The following TIFA variants were observed in gnomAD, a reference collection of about 807,000 sequenced individuals.
TIFA encodes the protein TRAF-interacting protein with FHA domain-containing protein A.
For synonymous variants in TIFA, 75 were observed against 79.2 expected, an observed-to-expected ratio of 0.95 and a Z score of 0.28; for missense variants, 186 against 215.2, an observed-to-expected ratio of 0.86 and a Z score of 0.85.
chr4:112,279,227 C>T (rs1274645634), intron 1 of TIFA, among the ~76,000 whole-genome samples: 2 of 152,198 alleles, frequency 1.3e-5, no homozygotes, highest in African/African-American at 2.4e-5. Context: ...TTAACCACAT[C>T]CCTTGAGAGC....
chr4:112,283,634 A>G (rs1727265486), intron 1 of TIFA, among the ~76,000 whole-genome samples: 1 of 152,166 alleles, frequency 6.6e-6, no homozygotes, highest in African/African-American at 2.4e-5. Context: ...ATTGGTGCAC[A>G]TTTGCTCAAA....
intron 1 of TIFA, among the ~76,000 whole-genome samples, chr4:112,285,000 C>T (rs1306481672): frequency 6.6e-6 from 1 of 152,142 alleles, no homozygotes; most frequent in African/African-American, 2.4e-5. Context: ...ACTTGACTGG[C>T]CTGACCTGGG....
At chr4:112,280,877 C>A (rs1727218226) in intron 1 of TIFA, among the ~76,000 whole-genome samples, 1 of 152,216 alleles carries the variant, frequency 6.6e-6, no homozygotes, top group African/African-American at 2.4e-5. Flanking sequence ...CAGCTATAAG[C>A]AGAAAAACTG....
At position 112,285,631 on chromosome 4, in the gene TIFA, C is replaced by A. The variant is rs1727310190; in HGVS notation, c.-19+9G>T. ...CCACCTCACCCCCAGCCCGCCGCCC[C>A]GCAAGTACCTGGGGCTGGGGAGTCA... On this transcript the variant is annotated intron_variant, in intron 1 of 1. Transcript: ENST00000361717. 6.6e-6 allele frequency: 1 copy of A among 152,284 alleles called. No homozygotes were observed. Among genetic ancestry groups the A allele is most frequent in the Non-Finnish European group, 1.5e-5 (1 of 68,140 alleles). 9.4% of individuals were successfully genotyped at this position (152,284 alleles called of 1,614,324 possible).
At chr4:112,281,032 CATT>C (rs954786508) in intron 1 of TIFA, among the ~76,000 whole-genome samples, 1 of 152,170 alleles carries the variant, frequency 6.6e-6, no homozygotes, top group African/African-American at 2.4e-5. Flanking sequence ...AATAAAGTCT[CATT>C]ATTCAGGAAG....
At position 112,278,034 on chromosome 4, in the gene TIFA, T is replaced by C. The variant is rs1425942008; in HGVS notation, c.383A>G (p.Lys128Arg). The C allele has an allele frequency of 1.2e-6, 2 of 1,613,930 alleles. No individual in the cohort carries two copies. The highest frequency in any genetic ancestry group is 3.3e-5 in the Admixed American group (2 of 59,982). Residue 128 changes from lysine (K) to arginine (R), a missense_variant, in exon 2 of 2, where the codon AAG becomes AGG. By Grantham distance (26) the Lys-to-Arg change is conservative. Coordinates refer to ENST00000361717, the MANE Select transcript of TIFA (RefSeq NM_052864.3). The stretch of plus-strand genomic sequence containing the variant: ...AAATTCCAATGACTCGCCATCTTCC[T>C]TCTCCATCAGAAACTGATACTCTCC... ...RFGEYQFLME[K>R]EDGESLEFFE...
intron 1 of TIFA, among the ~76,000 whole-genome samples, chr4:112,280,005 T>A (rs930650167): frequency 1.3e-5 from 2 of 150,982 alleles, no homozygotes; most frequent in South Asian, 4.2e-4. Flanking sequence ...GTGATAATTT[T>A]CCCATATCTA....
rs1727115628 is a variant in TIFA at position 112,276,482 on chromosome 4, G to A, written c.*1380C>T. The A allele has an allele frequency of 6.6e-6, 1 of 152,622 alleles. No homozygotes were observed. 9.5% of individuals were successfully genotyped at this position (152,622 alleles called of 1,614,324 possible). A position where few individuals can be genotyped will look rare whatever the true frequency, so the allele number is the denominator to read the frequency against. On this transcript the variant is annotated 3_prime_UTR_variant, in exon 2 of 2. Transcript: ENST00000361717. ...TTACAAGTTCTGGAGACTAGCACATGGACATCTGGACATCTTTGGATGGGC... is the reference window on the plus strand; with the variant it reads ...TTACAAGTTCTGGAGACTAGCACATAGACATCTGGACATCTTTGGATGGGC...
rs1240329873 is a variant in TIFA, at chr4:112,274,842, T to G, written c.*3020A>C. On this transcript the variant is annotated 3_prime_UTR_variant, in exon 2 of 2. Transcript: ENST00000361717. ...CTTACTTTTAAGTCAGTTACTGCATTAGATAGTAGGAACAGAATTCTCTAG... is the reference window on the plus strand; with the variant it reads ...CTTACTTTTAAGTCAGTTACTGCATGAGATAGTAGGAACAGAATTCTCTAG... The G allele has an allele frequency of 6.6e-6, 1 of 152,176 alleles. No individual in the cohort carries two copies. The highest frequency in any genetic ancestry group is 1.5e-5 in the Non-Finnish European group (1 of 68,032). The allele number at this position is 152,176 out of a possible 1,614,324, so 9.4% of individuals were successfully genotyped here. A position where few individuals can be genotyped will look rare whatever the true frequency, so the allele number is the denominator to read the frequency against.
In TIFA at chr4:112,281,399, C is replaced by A. The variant is rs1417062837; in HGVS notation, c.-18-2965G>T. Reference sequence around the variant, plus strand: ...CCCCATATAGGTTCTTATACTCAGTCCCCAGGACAGATATATTATCCACTG... The same window carrying A: ...CCCCATATAGGTTCTTATACTCAGTACCCAGGACAGATATATTATCCACTG... On this transcript the variant is annotated intron_variant, in intron 1 of 1. Coordinates refer to ENST00000361717, the MANE Select transcript of TIFA (RefSeq NM_052864.3). Among the ~76,000 whole-genome samples the A allele has an allele frequency of 5.3e-5, 8 of 152,146 alleles. No individual in the cohort carries two copies. The East Asian group carries it at 1.5e-3, about 29-fold the overall frequency.
chr4:112,284,915 A>AT (rs1727293753), intron 1 of TIFA, among the ~76,000 whole-genome samples: 5 of 151,740 alleles, frequency 3.3e-5, no homozygotes, highest in Admixed American at 3.3e-4. Context: ...AAAAAAAGTG[A>AT]AAACCAAACA....
intron 1 of TIFA, among the ~76,000 whole-genome samples, chr4:112,280,225 ATTGTTTT>A (rs1560621288): frequency 6.6e-6 from 1 of 150,534 alleles, no homozygotes; most frequent in Non-Finnish European, 1.5e-5. Context: ...TTGTAGTTTT[ATTGTTTT>A]TTGTTTGCCA....
intron 1 of TIFA, among the ~76,000 whole-genome samples, chr4:112,280,308 A>G (rs1463447397): frequency 6.6e-6 from 1 of 150,696 alleles, no homozygotes; most frequent in Non-Finnish European, 1.5e-5. Context: ...ACCAGAAAGA[A>G]TATTTTCTTT....
intron 1 of TIFA, among the ~76,000 whole-genome samples, chr4:112,282,857 G>A (rs555649528): frequency 6.6e-6 from 1 of 152,332 alleles, no homozygotes; most frequent in African/African-American, 2.4e-5. Context: ...TGCTCCAAAA[G>A]TGAAGCAGCA....
rs1727159048 is a variant in TIFA at position 112,278,240 on chromosome 4, AG to A, written c.176del (p.Thr59IlefsTer29). 6.2e-7 allele frequency: 1 copy of A among 1,613,874 alleles called. No individual in the cohort carries two copies. Among genetic ancestry groups the A allele is most frequent in the African/African-American group, 1.3e-5 (1 of 74,930 alleles). The part of the protein sequence containing the change: ...FGRNSNICHY[T>X]FQDKQVSRVQ... ...CTCGGGAAACCTGTTTGTCCTGAAA[AG>A]TATAATGACAGATGTTGGAATTTCG... On this transcript the variant is annotated frameshift_variant, in exon 2 of 2. Coordinates refer to ENST00000361717, the MANE Select transcript of TIFA (RefSeq NM_052864.3). LOFTEE classifies it low-confidence loss of function (END_TRUNC).
At chr4:112,284,541 A>T (rs1727284783) in intron 1 of TIFA, among the ~76,000 whole-genome samples, 1 of 152,204 alleles carries the variant, frequency 6.6e-6, no homozygotes. Flanking sequence ...TTTTTAAAAC[A>T]GGATTGACCA....
At chr4:112,280,309 T>C (rs916737070) in intron 1 of TIFA, among the ~76,000 whole-genome samples, 4 of 150,582 alleles carry the variant, frequency 2.7e-5, no homozygotes, top group Non-Finnish European at 5.9e-5. Flanking sequence ...CCAGAAAGAA[T>C]ATTTTCTTTC....
rs985363460 is a variant in TIFA at position 112,276,674 on chromosome 4, T to C, written c.*1188A>G. The C allele has an allele frequency of 6.6e-6, 1 of 152,228 alleles. No homozygotes were observed. Among genetic ancestry groups the C allele is most frequent in the African/African-American group, 2.4e-5 (1 of 41,454 alleles). The allele number at this position is 152,228 out of a possible 1,614,324, so 9.4% of individuals were successfully genotyped here. On this transcript the variant is annotated 3_prime_UTR_variant, in exon 2 of 2. Coordinates refer to ENST00000361717, the MANE Select transcript of TIFA (RefSeq NM_052864.3). ...GACATCACATACTACTGCCCAGGAA[T>C]AGACTGACAGTCTGAATCAAGATGA...
rs375497243 is a variant in TIFA, at chr4:112,276,238, G to A, written c.*1624C>T. On this transcript the variant is annotated 3_prime_UTR_variant, in exon 2 of 2. Transcript: ENST00000361717. ...CCAGATGTCCAATGCACACTTTCCA[G>A]CTTCAAGAGACTGTCCACATTCCTT... The A allele has an allele frequency of 6.5e-6, 1 of 153,034 alleles. No homozygotes were observed. The highest frequency in any genetic ancestry group is 1.9e-4 in the East Asian group (1 of 5,190). 9.5% of individuals were successfully genotyped at this position (153,034 alleles called of 1,614,324 possible).
Sources: gnomAD v4.1 joint callset for allele counts (sites outside exome capture counted in the v4.1 genomes callset) on GRCh38, gnomAD v4.1.1 for gene constraint, MANE v1.5 for transcripts, NCBI Gene and HGNC (gene_info 2026-07-23, HGNC 2026-07-21) for gene names.